Variants in PROK2 observed in about 807,000 individuals in gnomAD.
The protein encoded by PROK2 is prokineticin 2, also known as prokineticin-2.
Under a neutral mutation model 14.2 loss-of-function variants are expected in PROK2, and 8 were observed. That is an observed-to-expected ratio of 0.56 (90% CI 0.33 to 1.02). The LOEUF is 1.02. Ranked by LOEUF, PROK2 falls within the 50% of genes least tolerant of loss-of-function variation. PROK2 has a pLI of 0.03. For synonymous variants in PROK2, 59 were observed against 60.7 expected (o/e 0.97, Z 0.13); for missense variants, 154 against 160.4 (o/e 0.96, Z 0.22).
chr3:71,776,297 C>T lies in PROK2; in HGVS notation c.223-1790G>A, dbSNP rs553149722. On this transcript the variant is annotated intron_variant, in intron 2 of 3. Coordinates refer to ENST00000295619, the MANE Select transcript of PROK2 (RefSeq NM_001126128.2). ...TTCACTCAGTTCTGTGAGCTCCTAA[C>T]GACAAAAACCATGATTCCTTTTCTC... Among the ~76,000 whole-genome samples the T allele has an allele frequency of 1.0e-3, 156 of 151,594 alleles. 1 individual carries two copies. Among genetic ancestry groups the T allele is most frequent in the Middle Eastern group, 3.4e-3 (1 of 294 alleles).
chr3:71,774,425 C>A lies in PROK2; in HGVS notation c.285+20G>T. On this transcript the variant is annotated intron_variant, in intron 3 of 3. Transcript: ENST00000295619. ...TTCTGGGCATGTCTTTCGGTGGTAC[C>A]ACATTCGCATTCTTCTTACCTCCTT... The A allele has an allele frequency of 6.4e-7, 1 of 1,551,356 alleles. No individual in the cohort carries two copies. Among genetic ancestry groups the A allele is most frequent in the South Asian group, 1.2e-5 (1 of 83,966 alleles).
At chr3:71,780,129 T>C (rs1431149996) in intron 2 of PROK2, among the ~76,000 whole-genome samples, 2 of 152,238 alleles carry the variant, frequency 1.3e-5, no homozygotes, top group East Asian at 3.8e-4. Context: ...ACAATGCATG[T>C]CATGTTTTTA....
rs755926692 is a variant in PROK2 at position 71,772,751 on chromosome 3, G to A, written c.363C>T (p.Asn121=). The A allele has an allele frequency of 3.1e-6, 5 of 1,614,038 alleles. No individual in the cohort carries two copies. Among genetic ancestry groups the A allele is most frequent in the South Asian group, 2.2e-5 (2 of 91,094 alleles). Residue 121 remains asparagine (N), a synonymous_variant, in exon 4 of 4, where the codon AAC becomes AAT. Coordinates refer to ENST00000295619, the MANE Select transcript of PROK2 (RefSeq NM_001126128.2). ...PGLACLRTSF[N]RFICLAQK is the part of the protein sequence containing the mutation. ...ACTTTTGGGCTAAACAAATAAATCG[G>A]TTAAATGAAGTCCGTAAACAGGCCA...
In PROK2 at chr3:71,785,122, G is replaced by T. The variant is rs2050204519; in HGVS notation, c.-70C>A. 1 of 1,047,694 alleles carries T rather than the reference G, an allele frequency of 9.5e-7. No individual in the cohort carries two copies. The highest frequency in any genetic ancestry group is 1.2e-6 in the Non-Finnish European group (1 of 826,042). The allele number at this position is 1,047,694 out of a possible 1,614,324, so 64.9% of individuals were successfully genotyped here. ...GGGGCCCGGGTGCGCTGGGTGGAGC[G>T]CGGAGCGGCGGGCGGACGGGCGCGG... On this transcript the variant is annotated 5_prime_UTR_variant, in exon 1 of 4. Transcript: ENST00000295619.
intron 3 of PROK2, among the ~76,000 whole-genome samples, chr3:71,773,969 A>T (rs1304703364): frequency 6.6e-6 from 1 of 152,196 alleles, no homozygotes; most frequent in African/African-American, 2.4e-5. Flanking sequence ...CTTACAAGTT[A>T]TACGGAGAAA....
At position 71,772,537 on chromosome 3, in the gene PROK2, C is replaced by A; in HGVS notation, c.*187G>T. On this transcript the variant is annotated 3_prime_UTR_variant, in exon 4 of 4. Transcript: ENST00000295619. ...ATGCCTTACACTTCATATTTCTATC[C>A]AAAAGTAAAATTCTCTTTCGATAAA... The A allele has an allele frequency of 1.6e-6, 1 of 618,768 alleles. No homozygotes were observed. Among genetic ancestry groups the A allele is most frequent in the Non-Finnish European group, 2.8e-6 (1 of 352,932 alleles). The allele number at this position is 618,768 out of a possible 1,614,324, so 38.3% of individuals were successfully genotyped here.
intron 1 of PROK2, 81 bp from the exon 2 acceptor site, chr3:71,781,673 G>A: frequency 6.9e-7 from 1 of 1,443,584 alleles, no homozygotes; most frequent in Middle Eastern, 1.7e-4. Flanking sequence ...GCAGTGAAAT[G>A]CCCTTTAAAT....
At chr3:71,776,167 T>A (rs906952711) in intron 2 of PROK2, among the ~76,000 whole-genome samples, 1 of 152,154 alleles carries the variant, frequency 6.6e-6, no homozygotes, top group Non-Finnish European at 1.5e-5. Flanking sequence ...ACACCAAGAC[T>A]GTATGAACAT....
chr3:71,779,398 G>T (rs144548465), intron 2 of PROK2, among the ~76,000 whole-genome samples: 93 of 152,310 alleles, frequency 6.1e-4, no homozygotes, highest in African/African-American at 2.1e-3. Flanking sequence ...TTGTATACAG[G>T]CTTGCTGTAT....
chr3:71,780,657 G>A (rs951251198), intron 2 of PROK2, among the ~76,000 whole-genome samples: 13 of 152,190 alleles, frequency 8.5e-5, no homozygotes, highest in Admixed American at 7.2e-4. Flanking sequence ...TTCCTGGGGT[G>A]CTCTGTTGAG....
intron 1 of PROK2, among the ~76,000 whole-genome samples, chr3:71,783,689 C>G (rs1219025129): frequency 6.6e-6 from 1 of 152,066 alleles, no homozygotes; most frequent in South Asian, 2.1e-4. Context: ...AATGAGCCAG[C>G]AGGAGAAGAG....
rs566953042 is a variant in PROK2 at position 71,774,545 on chromosome 3, C to G, written c.223-38G>C. The G allele has an allele frequency of 2.5e-5, 39 of 1,544,036 alleles. No individual in the cohort carries two copies. In the Admixed American group the frequency reaches 2.8e-4, roughly 11 times the overall value. ...GGGAGACGATTGAGATCAATAAATA[C>G]AAAGGGAAGAAAAAGAGGCAATGGG... On this transcript the variant is annotated intron_variant, in intron 2 of 3. Coordinates refer to ENST00000295619, the MANE Select transcript of PROK2 (RefSeq NM_001126128.2).
At chr3:71,775,871 T>A (rs1419569883) in intron 2 of PROK2, among the ~76,000 whole-genome samples, 1 of 152,138 alleles carries the variant, frequency 6.6e-6, no homozygotes, top group Non-Finnish European at 1.5e-5. Context: ...GCCAATCAAA[T>A]GCCCTGCAAT....
At chr3:71,778,594 T>C (rs2050138703) in intron 2 of PROK2, among the ~76,000 whole-genome samples, 1 of 152,160 alleles carries the variant, frequency 6.6e-6, no homozygotes, top group Non-Finnish European at 1.5e-5. Context: ...AAATTCTATA[T>C]AGGGTCTACA....
chr3:71,784,860 T>C, intron 1 of PROK2, 97 bp downstream of exon 1: 1 of 1,071,658 alleles, frequency 9.3e-7, no homozygotes, highest in Non-Finnish European at 1.2e-6. Flanking sequence ...CGACCCTCCC[T>C]TTGCCTCTAG....
intron 2 of PROK2, among the ~76,000 whole-genome samples, chr3:71,775,173 T>C (rs1178984077): frequency 6.6e-6 from 1 of 152,106 alleles, no homozygotes; most frequent in East Asian, 1.9e-4. Flanking sequence ...CAGATAGCAA[T>C]ATCCAAGTAA....
At position 71,774,644 on chromosome 3, in the gene PROK2, C is replaced by T. The variant is rs1019090464; in HGVS notation, c.223-137G>A. ...CCATCCCAGTTCCTCTGTCCTTTTG[C>T]TATGTCATGACTTCCCAGGTTCTAA... On this transcript the variant is annotated intron_variant, in intron 2 of 3. Transcript: ENST00000295619. 7.4e-6 allele frequency: 9 copies of T among 1,214,644 alleles called. No homozygotes were observed. In the African/African-American group the frequency reaches 1.1e-4, roughly 15 times the overall value. 75.2% of individuals were successfully genotyped at this position (1,214,644 alleles called of 1,614,324 possible). A position where few individuals can be genotyped will look rare whatever the true frequency, so the allele number is the denominator to read the frequency against.
At position 71,772,803 on chromosome 3, in the gene PROK2, T is replaced by C. The variant is rs1311407791; in HGVS notation, c.311A>G (p.His104Arg). The change falls in exon 4 of 4, where the codon CAT becomes CGT. Residue 104 changes from histidine (H) to arginine (R), a missense_variant. Physicochemically the swap from His to Arg is conservative, Grantham distance 29 (BLOSUM62 0). Transcript: ENST00000295619. ...KEVPFFGRRMHHTCPCLPGLA... is the reference protein window; with the variant it reads ...KEVPFFGRRMRHTCPCLPGLA... ...GCCTGGCAGACATGGGCAAGTGTGATGCATCCTCCGCCCAAAAAATGGAAC... is the reference window on the plus strand; with the variant it reads ...GCCTGGCAGACATGGGCAAGTGTGACGCATCCTCCGCCCAAAAAATGGAAC... 4.3e-6 allele frequency: 7 copies of C among 1,614,204 alleles called. No homozygotes were observed. In the South Asian group the frequency reaches 5.5e-5, roughly 13 times the overall value.
intron 2 of PROK2, among the ~76,000 whole-genome samples, chr3:71,781,247 G>A (rs1280409677): frequency 1.3e-5 from 2 of 152,184 alleles, no homozygotes; most frequent in East Asian, 3.8e-4. Context: ...CACCATGAGA[G>A]CAGTAACATG....
Sources: allele counts gnomAD v4.1 joint callset (sites outside exome capture counted in the v4.1 genomes callset), GRCh38; gene constraint gnomAD v4.1.1; transcripts MANE v1.5; gene names NCBI Gene and HGNC (gene_info 2026-07-23, HGNC 2026-07-21).